LAMA5: variants seen among roughly 807,000 people sequenced by gnomAD.
The protein encoded by LAMA5 is laminin subunit alpha-5.
Under a neutral mutation model 433.4 loss-of-function variants are expected in LAMA5, and 260 were observed. The observed-to-expected ratio is 0.60, with a 90% CI of 0.54 to 0.66. The LOEUF (loss-of-function observed/expected upper bound fraction) is 0.66. Among genes scored for constraint, LAMA5 ranks in the 30% least tolerant of loss-of-function variants. The probability of loss-of-function intolerance (pLI) is 0.00; values close to 1 mark genes in which losing one functional copy is unlikely to be tolerated. For synonymous variants in LAMA5, 2,620 were observed against 2,226.6 expected (o/e 1.18, Z -4.97); for missense variants, 5,378 against 5,258.5 (o/e 1.02, Z -0.70).
intron 6 of LAMA5, among the ~76,000 whole-genome samples, chr20:62,349,898 G>A (rs1353113303): frequency 6.8e-6 from 1 of 147,080 alleles, no homozygotes; most frequent in Non-Finnish European, 1.5e-5. Context: ...GGTGATGGTG[G>A]AGGTAAAGAG....
At chr20:62,353,022 G>T in intron 3 of LAMA5, 112 bp downstream of exon 3, 1 of 724,152 alleles carries the variant, frequency 1.4e-6, no homozygotes, top group South Asian at 1.9e-5. Flanking sequence ...CGCAGCAGCC[G>T]GGTGTGAGGG....
chr20:62,317,809 T>A, intron 53 of LAMA5, 31 bp from the exon 54 acceptor site: 1 of 1,359,526 alleles, frequency 7.4e-7, no homozygotes, highest in Non-Finnish European at 1.0e-6. Context: ...TTGGGGACAA[T>A]GAGGGGTAAG....
intron 40 of LAMA5, 151 bp from the exon 41 acceptor site, chr20:62,325,697 A>G: frequency 1.8e-6 from 1 of 559,660 alleles, no homozygotes; most frequent in South Asian, 2.5e-5. Flanking sequence ...CCAGTCTCCC[A>G]TGAGGCCAGC....
intron 6 of LAMA5, among the ~76,000 whole-genome samples, chr20:62,349,648 TG>T (rs776440795): frequency 4.7e-4 from 5 of 10,606 alleles, no homozygotes; most frequent in Non-Finnish European, 6.5e-4. Flanking sequence ...ACCCAGGGGA[TG>T]GGGATGGGGA....
In LAMA5 at chr20:62,327,562, C is replaced by T; in HGVS notation, c.4905G>A (p.Glu1635=). The T allele has an allele frequency of 6.2e-7, 1 of 1,612,884 alleles. No homozygotes were observed. The highest frequency in any genetic ancestry group is 8.5e-7 in the Non-Finnish European group (1 of 1,180,006). The change falls in exon 37 of 80, where the codon GAG becomes GAA. Residue 1635 remains glutamate (E), a synonymous_variant. Coordinates refer to ENST00000252999, the MANE Select transcript of LAMA5 (RefSeq NM_005560.6). ...GGGTGTAGGACGAGCTCCGGCAGCG[C>T]TCCGTGGCCCCAAAGCAGAAGCAGC... ...CTRCFCFGAT[E]RCRSSSYTRQ...
At chr20:62,340,364 T>C (rs1052204954) in intron 11 of LAMA5, among the ~76,000 whole-genome samples, 15 of 132,036 alleles carry the variant, frequency 1.1e-4, no homozygotes, top group African/African-American at 3.9e-4. Context: ...CAGGCTGGAG[T>C]GCAGTGGCGC....
chr20:62,312,517 G>A lies in LAMA5; in HGVS notation c.9243C>T (p.Phe3081=). Residue 3081 remains phenylalanine, a synonymous_variant, in exon 68 of 80, where the codon TTC becomes TTT. Coordinates refer to ENST00000252999, the MANE Select transcript of LAMA5 (RefSeq NM_005560.6). ...AGCCACGGACTGAGCCTCCGGTGGG[G>A]AAGAGCCGTCGCAGGCTGTGGGGAA... ...DQLPPSLRRL[F]PTGGSVRGCV... 6.3e-7 allele frequency: 1 copy of A among 1,599,150 alleles called. No individual in the cohort carries two copies. Among genetic ancestry groups the A allele is most frequent in the Non-Finnish European group, 8.5e-7 (1 of 1,179,650 alleles).
intron 45 of LAMA5, 34 bp downstream of exon 45, chr20:62,323,422 C>A: frequency 6.7e-7 from 1 of 1,494,168 alleles, no homozygotes. Context: ...GCGCAACCCT[C>A]CCCAGGGTGC....
chr20:62,360,018 C>T (rs1985794120), intron 2 of LAMA5, among the ~76,000 whole-genome samples: 1 of 150,426 alleles, frequency 6.6e-6, no homozygotes, highest in Non-Finnish European at 1.5e-5. Flanking sequence ...AGTGCCCGGA[C>T]CCACCCGCCG....
chr20:62,346,852 C>T (rs749582599), intron 7 of LAMA5, 52 bp from the exon 8 acceptor site: 52 of 1,607,196 alleles, frequency 3.2e-5, no homozygotes, highest in Middle Eastern at 1.7e-4. Context: ...GCCCGGGCAC[C>T]GGGGCCCTCT....
At chr20:62,317,580 G>A in intron 54 of LAMA5, 81 bp from the exon 55 acceptor site, 1 of 1,524,448 alleles carries the variant, frequency 6.6e-7, no homozygotes, top group East Asian at 2.3e-5. Flanking sequence ...CTGCACGCAA[G>A]TGTGCACACA....
intron 10 of LAMA5, 59 bp from the exon 11 acceptor site, chr20:62,345,936 C>T: frequency 6.4e-7 from 1 of 1,554,666 alleles, no homozygotes; most frequent in Admixed American, 1.9e-5. Context: ...CACCCTACAC[C>T]CCCTGCCACC....
Position 62,310,958 on chromosome 20 carries a change from C to T in LAMA5, c.10225G>A (p.Gly3409Arg), listed in dbSNP as rs764431303. 5.0e-6 allele frequency: 8 copies of T among 1,611,426 alleles called. No homozygotes were observed. Among genetic ancestry groups the T allele is most frequent in the Non-Finnish European group, 5.1e-6 (6 of 1,179,544 alleles). The change falls in exon 74 of 80, where the codon GGG becomes AGG. Residue 3409 changes from glycine (G) to arginine (R), a missense_variant. By Grantham distance (125) the Gly-to-Arg change is moderately radical. Transcript: ENST00000252999. ...CGGCTCTGGGCGCGGAGCCGAGTCC[C>T]GAGGCCTTCCATCTGTGCAACGAAG... ...GHFVAQMEGL[G>R]TRLRAQSRQR...
chr20:62,319,612 C>T, intron 51 of LAMA5, 72 bp downstream of exon 51: 1 of 1,122,168 alleles, frequency 8.9e-7, no homozygotes, highest in Non-Finnish European at 1.3e-6. Context: ...CAAGCTCGGC[C>T]AGGCACCCCC....
Position 62,333,449 on chromosome 20 carries a change from G to T in LAMA5, c.3054C>A (p.Tyr1018Ter). 1 of 1,612,728 alleles carries T rather than the reference G, an allele frequency of 6.2e-7. No individual in the cohort carries two copies. The change falls in exon 25 of 80, where the codon TAC (tyrosine) becomes TAA (stop). Residue 1018 changes from tyrosine to a stop codon, truncating the protein, a stop_gained. Transcript: ENST00000252999. LOFTEE classifies it high-confidence loss of function. Reference protein sequence around the residue: ...DYVVLLPSAYYEAALLQLRVT... With the variant: ...DYVVLLPSAY ...CCCGCAGCTGCAGGAGCGCCGCCTC[G>T]TAGTATGCGCTAGGCAGCAGAACCA...
In LAMA5 at chr20:62,320,507, G is replaced by A. The variant is rs1987571155; in HGVS notation, c.6759+52C>T. ...GCTGAATGAGGACAAGCGAACCGCG[G>A]GGAACACAGGTGAAAGCCTCCCGGG... On this transcript the variant is annotated intron_variant, in intron 50 of 79. Transcript: ENST00000252999. The A allele has an allele frequency of 1.2e-5, 17 of 1,383,550 alleles. No homozygotes were observed. In the South Asian group the frequency reaches 2.0e-4, roughly 16 times the overall value. 85.7% of individuals were successfully genotyped at this position (1,383,550 alleles called of 1,614,324 possible).
At chr20:62,322,513 C>A in intron 46 of LAMA5, 64 bp from the exon 47 acceptor site, 1 of 1,512,024 alleles carries the variant, frequency 6.6e-7, no homozygotes, top group South Asian at 1.2e-5. Flanking sequence ...AACCTGGAAG[C>A]CAGGGGTCCT....
chr20:62,311,147 C>A lies in LAMA5; in HGVS notation c.10088+15G>T. On this transcript the variant is annotated intron_variant, in intron 73 of 79. Coordinates refer to ENST00000252999, the MANE Select transcript of LAMA5 (RefSeq NM_005560.6). ...GCGGCCCCTCTCAGCCCACCCCAGC[C>A]GGGCCTGGCCTTACCAGTTCCTATG... The A allele has an allele frequency of 1.3e-6, 2 of 1,566,640 alleles. No homozygotes were observed. The highest frequency in any genetic ancestry group is 1.9e-5 in the Admixed American group (1 of 53,274).
chr20:62,337,706 C>T lies in LAMA5; in HGVS notation c.2048G>A (p.Gly683Asp). The change falls in exon 16 of 80, where the codon GGC becomes GAC. Residue 683 changes from glycine (G) to aspartate (D), a missense_variant. Transcript: ENST00000252999. ...GGGGTCACAGGCTGCGTGCAGGGAG[C>T]CTTCAGCAGAGCAGTGGCAGGCTGC... is the stretch of plus-strand genomic sequence containing the variant. ...SCVPCHCSAE[G>D]SLHAACDPRS... The T allele has an allele frequency of 6.2e-7, 1 of 1,610,404 alleles. No homozygotes were observed. The highest frequency in any genetic ancestry group is 1.1e-5 in the South Asian group (1 of 90,772).
Sources: gnomAD v4.1 joint callset for allele counts (sites outside exome capture counted in the v4.1 genomes callset) on GRCh38, gnomAD v4.1.1 for gene constraint, MANE v1.5 for transcripts, NCBI Gene and HGNC (gene_info 2026-07-23, HGNC 2026-07-21) for gene names.